Variants in VAV3 observed in about 807,000 individuals in gnomAD.
The protein encoded by VAV3 is guanine nucleotide exchange factor VAV3.
In VAV3, 94 loss-of-function variants were observed where a neutral mutation model predicts 131.2. That is an observed-to-expected ratio of 0.72 (90% CI 0.61 to 0.85). The LOEUF (loss-of-function observed/expected upper bound fraction) is 0.85, where lower values mean the gene tolerates loss of function less well. Among genes scored for constraint, VAV3 ranks in the 40% least tolerant of loss-of-function variants. VAV3 has a pLI of 0.00. For synonymous variants in VAV3, 349 were observed against 342.0 expected, an observed-to-expected ratio of 1.02 and a Z score of -0.22; for missense variants, 939 against 1,002.7, an observed-to-expected ratio of 0.94 and a Z score of 0.86.
chr1:107,634,072 AT>A (rs1654719405), intron 20 of VAV3, among the ~76,000 whole-genome samples: 1 of 152,202 alleles, frequency 6.6e-6, no homozygotes, highest in African/African-American at 2.4e-5. Context: ...ATTCAATGCC[AT>A]CCCCATCAAG....
At chr1:107,610,309 T>G (rs558794552) in intron 21 of VAV3, among the ~76,000 whole-genome samples, 6 of 152,236 alleles carry the variant, frequency 3.9e-5, no homozygotes, top group Admixed American at 1.3e-4. Flanking sequence ...GAAAACCGAA[T>G]AGCACTTTAC....
chr1:107,684,442 A>C (rs985755214), intron 18 of VAV3, among the ~76,000 whole-genome samples: 1 of 152,218 alleles, frequency 6.6e-6, no homozygotes, highest in Non-Finnish European at 1.5e-5. Flanking sequence ...GGCTGTGCTA[A>C]GCACACATTA....
chr1:107,932,602 G>A (rs547148311), intron 1 of VAV3, among the ~76,000 whole-genome samples: 87 of 152,148 alleles, frequency 5.7e-4, no homozygotes, highest in Non-Finnish European at 1.1e-3. Flanking sequence ...CTTTATTATG[G>A]TAAAAGGGAT....
chr1:107,954,735 AG>A (rs1674719474), intron 1 of VAV3, among the ~76,000 whole-genome samples: 1 of 147,986 alleles, frequency 6.8e-6, no homozygotes, highest in Non-Finnish European at 1.5e-5. Flanking sequence ...CACTCCTCCA[AG>A]GGAGCCCCAC....
intron 1 of VAV3, among the ~76,000 whole-genome samples, chr1:107,926,754 G>A (rs1376367455): frequency 2.0e-5 from 3 of 152,142 alleles, no homozygotes; most frequent in African/African-American, 7.2e-5. Flanking sequence ...ATTTAAACCA[G>A]CCCTGGCCAG....
intron 4 of VAV3, among the ~76,000 whole-genome samples, chr1:107,774,294 T>C (rs1665212140): frequency 6.6e-6 from 1 of 152,176 alleles, no homozygotes; most frequent in Non-Finnish European, 1.5e-5. Flanking sequence ...CTCAAACTCC[T>C]GACCTCAGGT....
chr1:107,702,025 GC>G (rs1442474206), intron 17 of VAV3, among the ~76,000 whole-genome samples: 1 of 152,044 alleles, frequency 6.6e-6, no homozygotes, highest in Non-Finnish European at 1.5e-5. Context: ...TTATAGCAGT[GC>G]CCCCCACTCT....
At chr1:107,600,331 A>AT (rs3842537) in intron 24 of VAV3, among the ~76,000 whole-genome samples, 21,203 of 151,854 alleles carry the variant, frequency 0.14, 1,886 homozygotes, top group East Asian at 0.35. Flanking sequence ...TGATATTGAG[A>AT]TTTTTTTTCC....
chr1:107,879,572 A>C (rs1409733111), intron 1 of VAV3, among the ~76,000 whole-genome samples: 3 of 151,940 alleles, frequency 2.0e-5, no homozygotes, highest in Admixed American at 6.6e-5. Context: ...TTCCCAGTCT[A>C]TTCATTCTTT....
chr1:107,723,472 T>C (rs1260124967), intron 15 of VAV3, among the ~76,000 whole-genome samples: 1 of 152,110 alleles, frequency 6.6e-6, no homozygotes, highest in African/African-American at 2.4e-5. Flanking sequence ...CATTTGGACC[T>C]ACCCTGTTTT....
intron 17 of VAV3, among the ~76,000 whole-genome samples, chr1:107,690,326 T>C (rs1388630040): frequency 6.6e-6 from 1 of 152,046 alleles, no homozygotes; most frequent in Non-Finnish European, 1.5e-5. Context: ...GAGGAAACAA[T>C]GGTATTTACG....
intron 5 of VAV3, 145 bp from the exon 6 acceptor site, chr1:107,770,873 G>T: frequency 1.6e-6 from 1 of 608,104 alleles, no homozygotes; most frequent in Non-Finnish European, 2.8e-6. Flanking sequence ...CTGCATTTGT[G>T]AGGCATCTTT....
At chr1:107,686,528 G>C (rs1336159870) in intron 18 of VAV3, among the ~76,000 whole-genome samples, 1 of 152,148 alleles carries the variant, frequency 6.6e-6, no homozygotes, top group Non-Finnish European at 1.5e-5. Flanking sequence ...CTGGTATAGG[G>C]TGAGAGCTGC....
At chr1:107,812,793 T>C (rs778272256) in intron 2 of VAV3, among the ~76,000 whole-genome samples, 2 of 151,868 alleles carry the variant, frequency 1.3e-5, no homozygotes, top group Non-Finnish European at 2.9e-5. Flanking sequence ...GGCATGGGGG[T>C]TGAAGCAGGA....
intron 2 of VAV3, among the ~76,000 whole-genome samples, chr1:107,812,987 G>A (rs776108237): frequency 4.6e-5 from 7 of 151,968 alleles, no homozygotes; most frequent in Non-Finnish European, 7.4e-5. Context: ...GCCAGGTGTG[G>A]TGGCACGCAC....
At chr1:107,744,694 T>A (rs1663228338) in intron 15 of VAV3, among the ~76,000 whole-genome samples, 1 of 152,212 alleles carries the variant, frequency 6.6e-6, no homozygotes, top group Admixed American at 6.5e-5. Context: ...TTACTCAGGT[T>A]TAACTTATTC....
At chr1:107,688,721 T>A (rs1213753114) in intron 17 of VAV3, among the ~76,000 whole-genome samples, 1 of 152,188 alleles carries the variant, frequency 6.6e-6, no homozygotes, top group African/African-American at 2.4e-5. Context: ...ACACTAAATT[T>A]ATAGGCATAA....
At chr1:107,775,118 G>A (rs1465112730) in intron 4 of VAV3, among the ~76,000 whole-genome samples, 1 of 152,050 alleles carries the variant, frequency 6.6e-6, no homozygotes. Context: ...AGCAAGGGCT[G>A]GCATCTCAGA....
intron 1 of VAV3, among the ~76,000 whole-genome samples, chr1:107,954,813 T>C (rs1398989843): frequency 1.3e-5 from 2 of 151,262 alleles, no homozygotes; most frequent in African/African-American, 4.9e-5. Context: ...CACATTCAGA[T>C]AGGCCGATAG....
Sources: allele counts gnomAD v4.1 joint callset (sites outside exome capture counted in the v4.1 genomes callset), GRCh38; gene constraint gnomAD v4.1.1; transcripts MANE v1.5; gene names NCBI Gene and HGNC (gene_info 2026-07-23, HGNC 2026-07-21).